The following TOP6BL variants were observed in gnomAD, a reference collection of about 807,000 sequenced individuals.
TOP6BL encodes the protein TOP6B like initiator of meiotic double strand breaks.
chr11:66,770,012 TGG>T, the TOP6BL span, among the ~76,000 whole-genome samples: 6 of 152,052 alleles, frequency 3.9e-5, no homozygotes, highest in Non-Finnish European at 7.4e-5. Context: ...CCCAAAGTGC[TGG>T]GATTACAGGC....
chr11:66,843,424 C>A, the TOP6BL span: 1 of 1,396,280 alleles, frequency 7.2e-7, no homozygotes. Flanking sequence ...CCTGGGACTG[C>A]GTCACTGGTG....
chr11:66,843,201 G>A, the TOP6BL span: 11 of 1,610,932 alleles, frequency 6.8e-6, no homozygotes, highest in South Asian at 7.7e-5. Flanking sequence ...TCTCCAACCT[G>A]TCAGAGTGGC....
chr11:66,758,302 C>CTTTTTTTTTTCTTTTTTTT, the TOP6BL span: 1 of 67,318 alleles, frequency 1.5e-5, no homozygotes, highest in African/African-American at 7.1e-5. Flanking sequence ...TTTTCTTTTT[C>CTTTTTTTTTTCTTTTTTTT]TTTTTTTTTT....
chr11:66,744,821 GC>G, the TOP6BL span: 4 of 1,064,528 alleles, frequency 3.8e-6, no homozygotes, highest in African/African-American at 1.7e-5. Context: ...TGAGGAGGGG[GC>G]GGCGGCGGCG....
chr11:66,824,412 AT>A, the TOP6BL span, among the ~76,000 whole-genome samples: 1 of 135,124 alleles, frequency 7.4e-6, no homozygotes, highest in East Asian at 2.1e-4. Context: ...TGCCTGGCTA[AT>A]TTTGTATTTA....
At chr11:66,757,046 G>A in the TOP6BL span, among the ~76,000 whole-genome samples, 9 of 151,486 alleles carry the variant, frequency 5.9e-5, no homozygotes, top group Middle Eastern at 3.4e-3. Flanking sequence ...AGGCGGCGGT[G>A]GGGGGTGGGG....
chr11:66,806,797 A>T, the TOP6BL span, among the ~76,000 whole-genome samples: 1 of 152,176 alleles, frequency 6.6e-6, no homozygotes, highest in South Asian at 2.1e-4. Flanking sequence ...GTGGTATGAT[A>T]GATGTCAGCT....
chr11:66,838,021 G>T, the TOP6BL span, among the ~76,000 whole-genome samples: 1 of 152,158 alleles, frequency 6.6e-6, no homozygotes, highest in Non-Finnish European at 1.5e-5. Flanking sequence ...GCCTTTGAAG[G>T]GATTTAGGGT....
At chr11:66,843,484 G>A in the TOP6BL span, 10 of 1,471,034 alleles carry the variant, frequency 6.8e-6, no homozygotes, top group Non-Finnish European at 8.9e-6. Context: ...GATGGGCTGC[G>A]ACTGCTGTCG....
At chr11:66,795,277 T>C in the TOP6BL span, among the ~76,000 whole-genome samples, 2 of 151,914 alleles carry the variant, frequency 1.3e-5, no homozygotes, top group African/African-American at 4.8e-5. Context: ...ATTGTTACCA[T>C]GTATAATATA....
At chr11:66,748,316 A>G in the TOP6BL span, 1 of 1,274,138 alleles carries the variant, frequency 7.8e-7, no homozygotes, top group Non-Finnish European at 1.1e-6. Context: ...TGGGTCATAG[A>G]GATGTATTAT....
chr11:66,838,219 G>C, the TOP6BL span: 1 of 638,184 alleles, frequency 1.6e-6, no homozygotes, highest in Admixed American at 2.6e-5. Flanking sequence ...AGGGTGGGTA[G>C]GGGGATTCAT....
At chr11:66,796,532 C>T in the TOP6BL span, among the ~76,000 whole-genome samples, 1 of 152,042 alleles carries the variant, frequency 6.6e-6, no homozygotes, top group African/African-American at 2.4e-5. Flanking sequence ...GTAATCCCAA[C>T]ATTTTGGGAG....
At chr11:66,815,717 C>T in the TOP6BL span, 2 of 214,906 alleles carry the variant, frequency 9.3e-6, no homozygotes, top group Non-Finnish European at 1.9e-5. Flanking sequence ...TGTCATTACA[C>T]TCAGGTGAAT....
At chr11:66,835,116 G>A in the TOP6BL span, among the ~76,000 whole-genome samples, 1 of 152,026 alleles carries the variant, frequency 6.6e-6, no homozygotes, top group African/African-American at 2.4e-5. Flanking sequence ...TTATCTGGGG[G>A]ACCAGGTGAT....
the TOP6BL span, chr11:66,796,357 AC>A: frequency 6.2e-7 from 1 of 1,606,036 alleles, no homozygotes; most frequent in African/African-American, 1.3e-5. Context: ...ATCATGGTGC[AC>A]CCTAAGGTAA....
the TOP6BL span, among the ~76,000 whole-genome samples, chr11:66,777,909 A>G: frequency 6.6e-6 from 1 of 152,146 alleles, no homozygotes; most frequent in Non-Finnish European, 1.5e-5. Context: ...TAACATTTGT[A>G]GCAAAGTTAC....
At chr11:66,828,476 C>A in the TOP6BL span, 1 of 722,882 alleles carries the variant, frequency 1.4e-6, no homozygotes, top group Non-Finnish European at 2.3e-6. Context: ...CTGAGGTCAG[C>A]CTTTCAGCAA....
At chr11:66,763,482 T>G in the TOP6BL span, among the ~76,000 whole-genome samples, 4 of 152,082 alleles carry the variant, frequency 2.6e-5, no homozygotes, top group African/African-American at 9.7e-5. Flanking sequence ...ATTATTATTA[T>G]TATTATTATT....
Sources: allele counts gnomAD v4.1 joint callset (sites outside exome capture counted in the v4.1 genomes callset), GRCh38; gene constraint gnomAD v4.1.1; transcripts MANE v1.5; gene names NCBI Gene and HGNC (gene_info 2026-07-23, HGNC 2026-07-21).